Variants in ZBTB38 observed in about 807,000 individuals in gnomAD.
ZBTB38 encodes zinc finger and BTB domain-containing protein 38.
In ZBTB38, 20 loss-of-function variants were observed where a neutral mutation model predicts 76.8. The ratio of observed to expected loss-of-function variants is 0.26; its 90% CI spans 0.18 to 0.38. The LOEUF is 0.38. Among genes scored for constraint, ZBTB38 ranks in the 10% least tolerant of loss-of-function variants. The pLI is 1.00. For synonymous variants in ZBTB38, 504 were observed against 544.2 expected (o/e 0.93, Z 1.03); for missense variants, 1,082 against 1,482.3 (o/e 0.73, Z 4.43).
intron 5 of ZBTB38, among the ~76,000 whole-genome samples, chr3:141,417,702 A>G (rs2074387596): frequency 6.6e-6 from 1 of 152,128 alleles, no homozygotes; most frequent in South Asian, 2.1e-4. Context: ...CCATTGCTCA[A>G]GTTGTACATA....
chr3:141,406,304 A>C (rs1954393996), intron 5 of ZBTB38, among the ~76,000 whole-genome samples: 1 of 152,192 alleles, frequency 6.6e-6, no homozygotes, highest in Non-Finnish European at 1.5e-5. Context: ...CCAGAAAGCC[A>C]GTTAAGCTAC....
intron 1 of ZBTB38, among the ~76,000 whole-genome samples, chr3:141,349,428 T>TC (rs1258691627): frequency 6.6e-6 from 1 of 152,178 alleles, no homozygotes. Context: ...CAAGGTTAAA[T>TC]CACCACTAGT....
At chr3:141,420,216 T>A (rs896136063) in intron 5 of ZBTB38, among the ~76,000 whole-genome samples, 1 of 151,858 alleles carries the variant, frequency 6.6e-6, no homozygotes, top group Non-Finnish European at 1.5e-5. Flanking sequence ...AGAAAAACAA[T>A]TGGAATGAGC....
chr3:141,439,071 T>C (rs1177633965), intron 5 of ZBTB38, among the ~76,000 whole-genome samples: 1 of 152,140 alleles, frequency 6.6e-6, no homozygotes, highest in East Asian at 1.9e-4. Context: ...TGTAAATAAT[T>C]GTACTTACTC....
At chr3:141,329,068 CTACAAA>C (rs1942763683) in intron 1 of ZBTB38, among the ~76,000 whole-genome samples, 1 of 152,176 alleles carries the variant, frequency 6.6e-6, no homozygotes, top group East Asian at 1.9e-4. Flanking sequence ...AGTCTGAATA[CTACAAA>C]TACAACAGCG....
At chr3:141,439,379 T>C (rs1245864923) in intron 5 of ZBTB38, among the ~76,000 whole-genome samples, 2 of 152,238 alleles carry the variant, frequency 1.3e-5, no homozygotes, top group African/African-American at 4.8e-5. Flanking sequence ...CGCTGAAAAA[T>C]GTCATGCTTG....
intron 5 of ZBTB38, among the ~76,000 whole-genome samples, chr3:141,423,518 G>A (rs375936734): frequency 1.3e-5 from 2 of 152,090 alleles, no homozygotes; most frequent in Non-Finnish European, 2.9e-5. Context: ...GCAAGTTAGC[G>A]GAACTGTAAT....
intron 5 of ZBTB38, among the ~76,000 whole-genome samples, chr3:141,426,669 C>T (rs1274151140): frequency 6.6e-6 from 1 of 152,228 alleles, no homozygotes. Flanking sequence ...ACGACACTGC[C>T]ATGTCGCCAC....
chr3:141,442,709 C>A lies in ZBTB38; in HGVS notation c.321C>A (p.Leu107=). ...VVKRQETVTD[L]AAAGKKLGIS... is the part of the protein sequence containing the mutation. ...AGAGACAGGAAACAGTCACTGATCT[C>A]GCAGCTGCAGGAAAAAAGCTGGGAA... The change falls in exon 6 of 6, where the codon CTC becomes CTA. Residue 107 remains leucine, a synonymous_variant. Transcript: ENST00000321464. The surrounding 1 kb of genome is among the most constrained non-coding windows in gnomAD (Gnocchi z 6.4). 1 of 1,614,090 alleles carries A rather than the reference C, an allele frequency of 6.2e-7. No homozygotes were observed. The highest frequency in any genetic ancestry group is 1.1e-5 in the South Asian group (1 of 91,062).
intron 1 of ZBTB38, among the ~76,000 whole-genome samples, chr3:141,329,821 G>A (rs184179270): frequency 7.0e-4 from 107 of 151,890 alleles, no homozygotes; most frequent in African/African-American, 2.3e-3. Flanking sequence ...TAGAAAACTC[G>A]TTGGAATAGA....
intron 5 of ZBTB38, among the ~76,000 whole-genome samples, chr3:141,428,157 CTG>C (rs1489214810): frequency 6.6e-6 from 1 of 152,226 alleles, no homozygotes; most frequent in Non-Finnish European, 1.5e-5. Flanking sequence ...CTTGTTCTCT[CTG>C]TGATTTCTTG....
At chr3:141,431,323 C>CAAAAAAAAAAAAAA (rs71976494) in intron 5 of ZBTB38, among the ~76,000 whole-genome samples, 10 of 101,404 alleles carry the variant, frequency 9.9e-5, no homozygotes, top group East Asian at 9.2e-4. Flanking sequence ...GACTTCGTCT[C>CAAAAAAAAAAAAAA]AAAAAAAAAA....
chr3:141,329,902 G>A (rs978406583), intron 1 of ZBTB38, among the ~76,000 whole-genome samples: 4 of 152,040 alleles, frequency 2.6e-5, no homozygotes, highest in African/African-American at 9.7e-5. Context: ...GCCAAGGTGG[G>A]TGGATTGCTT....
At chr3:141,393,431 A>C (rs1416412596) in intron 4 of ZBTB38, among the ~76,000 whole-genome samples, 1 of 152,238 alleles carries the variant, frequency 6.6e-6, no homozygotes, top group East Asian at 1.9e-4. Context: ...CCAGAAGGGC[A>C]GTGCCCTTGT....
At chr3:141,397,285 G>A (rs1950561696) in intron 4 of ZBTB38, among the ~76,000 whole-genome samples, 1 of 152,094 alleles carries the variant, frequency 6.6e-6, no homozygotes, top group African/African-American at 2.4e-5. Flanking sequence ...TTTTTCTTCT[G>A]CAGCTTCCTT....
At chr3:141,437,680 A>G (rs940221553) in intron 5 of ZBTB38, among the ~76,000 whole-genome samples, 12 of 152,210 alleles carry the variant, frequency 7.9e-5, no homozygotes, top group Middle Eastern at 3.2e-3. Flanking sequence ...ATTAAGGTAT[A>G]AAAATACATA....
chr3:141,412,307 T>A (rs953528945), intron 5 of ZBTB38, among the ~76,000 whole-genome samples: 1 of 152,190 alleles, frequency 6.6e-6, no homozygotes, highest in African/African-American at 2.4e-5. Flanking sequence ...CCAAAAGGTC[T>A]CTTGGGTGCC....
At chr3:141,423,806 T>A (rs1056980292) in intron 5 of ZBTB38, among the ~76,000 whole-genome samples, 1 of 152,158 alleles carries the variant, frequency 6.6e-6, no homozygotes, top group African/African-American at 2.4e-5. Flanking sequence ...AAACTGAGAC[T>A]TAAATGAAAA....
intron 5 of ZBTB38, chr3:141,438,331 T>G (rs1375734083): frequency 6.6e-6 from 1 of 152,514 alleles, no homozygotes; most frequent in Non-Finnish European, 1.5e-5. Context: ...CAAGCAGTTC[T>G]TCTCTCTCAG....
Sources: allele counts gnomAD v4.1 joint callset (sites outside exome capture counted in the v4.1 genomes callset), GRCh38; gene constraint gnomAD v4.1.1; non-coding constraint Gnocchi (gnomAD v3.1); transcripts MANE v1.5; gene names NCBI Gene and HGNC (gene_info 2026-07-23, HGNC 2026-07-21).